The following NPIPB2 variants were observed in gnomAD, a reference collection of about 807,000 sequenced individuals.
NPIPB2 encodes the protein nuclear pore complex interacting protein family member B2, also known as nuclear pore complex-interacting protein family member B2.
A neutral mutation model predicts 30.8 loss-of-function variants in NPIPB2; 27 were observed. That is an observed-to-expected ratio of 0.88 (90% CI 0.65 to 1.21). The LOEUF (loss-of-function observed/expected upper bound fraction) is 1.21, where lower values mean the gene tolerates loss of function less well. Ranked by LOEUF, NPIPB2 falls within the 50% of genes most tolerant of loss-of-function variation. The pLI is 0.00. For synonymous variants in NPIPB2, 147 were observed against 162.0 expected, an observed-to-expected ratio of 0.91 and a Z score of 0.70; for missense variants, 440 against 446.2, an observed-to-expected ratio of 0.99 and a Z score of 0.13.
At chr16:11,951,440 G>GATGATAGA (rs2055060937) in intron 1 of NPIPB2, among the ~76,000 whole-genome samples, 1 of 126,762 alleles carries the variant, frequency 7.9e-6, no homozygotes, top group African/African-American at 3.0e-5. Flanking sequence ...CTCCAGCCTG[G>GATGATAGA]GCGACAGACA....
At chr16:11,943,631 G>A (rs1288183223), upstream of NPIPB2, among the ~76,000 whole-genome samples, 3 of 151,804 alleles carry the variant, frequency 2.0e-5, no homozygotes, top group Admixed American at 1.3e-4. Flanking sequence ...GAACCTGGGA[G>A]GCAGAGGGTG....
rs1056872304 is a variant in NPIPB2 at position 11,966,452 on chromosome 16, G to C, written c.-584+10116C>G. 5.5e-6 allele frequency: 6 copies of C among 1,100,628 alleles called. No homozygotes were observed. In the Admixed American group the frequency reaches 7.2e-5, roughly 13 times the overall value. The allele number at this position is 1,100,628 out of a possible 1,614,324, so 68.2% of individuals were successfully genotyped here. A position where few individuals can be genotyped will look rare whatever the true frequency, so the allele number is the denominator to read the frequency against. ...TATTTCACTTCGTTACAGCCCTTTC[G>C]AATGTGTTAGAACATTGTTACATTA... is the stretch of plus-strand genomic sequence containing the variant. On this transcript the variant is annotated intron_variant, in intron 1 of 5. Transcript: ENST00000538896.
At chr16:11,945,317 G>A (rs181653136), upstream of NPIPB2, among the ~76,000 whole-genome samples, 74 of 152,168 alleles carry the variant, frequency 4.9e-4, no homozygotes, top group African/African-American at 1.5e-3. Flanking sequence ...GGAGTTCGAG[G>A]CTGCAGTGAG....
chr16:11,937,657 A>G, exon 2 of NPIPB2: 1 of 1,599,074 alleles, frequency 6.3e-7, no homozygotes, highest in Middle Eastern at 1.7e-4. Context: ...GGTCAGCCAG[A>G]GTATTGATAA....
chr16:11,934,022 G>T (rs1368637213), intron 2 of NPIPB2, 98 bp from the exon 3 acceptor site: 4 of 868,242 alleles, frequency 4.6e-6, no homozygotes, highest in Non-Finnish European at 7.4e-6. Context: ...CACGGGGTCA[G>T]GAGTTCAAGA....
chr16:11,976,596 C>A (rs906485703), exon 1 of NPIPB2: 1 of 364,308 alleles, frequency 2.7e-6, no homozygotes. Context: ...GTAGCCTCAG[C>A]ACCGCTCTCC....
chr16:11,938,908 C>T (rs1282361735), intron 1 of NPIPB2, among the ~76,000 whole-genome samples: 3 of 151,640 alleles, frequency 2.0e-5, no homozygotes, highest in East Asian at 2.0e-4. Flanking sequence ...CCACCACGCT[C>T]GGCTAATTTT....
intron 1 of NPIPB2, among the ~76,000 whole-genome samples, chr16:11,955,759 C>T (rs1356280330): frequency 8.8e-6 from 1 of 113,770 alleles, no homozygotes; most frequent in Non-Finnish European, 1.9e-5. Context: ...ATTTGCCACT[C>T]CTCCTCCCAC....
exon 8 of NPIPB2, chr16:11,927,764 T>C: frequency 6.3e-7 from 1 of 1,594,946 alleles, no homozygotes; most frequent in Non-Finnish European, 8.5e-7. Context: ...TATAGAATGT[T>C]GTTGAGTTGG....
At chr16:11,951,472 AAAAAAG>A (rs1277728034) in intron 1 of NPIPB2, among the ~76,000 whole-genome samples, 1 of 149,670 alleles carries the variant, frequency 6.7e-6, no homozygotes, top group Non-Finnish European at 1.5e-5. Context: ...AAAAAAAAAA[AAAAAAG>A]AAAGAAAAGA....
At chr16:11,970,054 A>G (rs962551923) in intron 1 of NPIPB2, among the ~76,000 whole-genome samples, 3 of 151,624 alleles carry the variant, frequency 2.0e-5, no homozygotes, top group Non-Finnish European at 4.4e-5. Flanking sequence ...AGCACACAAA[A>G]ACTCCTGGGT....
intron 1 of NPIPB2, among the ~76,000 whole-genome samples, chr16:11,938,451 C>G (rs562184822): frequency 6.6e-6 from 1 of 151,924 alleles, no homozygotes; most frequent in Admixed American, 6.6e-5. Context: ...CTGCCTCAGC[C>G]TCCTGAGTAG....
At chr16:11,963,514 C>G (rs528001644) in intron 1 of NPIPB2, among the ~76,000 whole-genome samples, 1 of 152,022 alleles carries the variant, frequency 6.6e-6, no homozygotes, top group East Asian at 1.9e-4. Context: ...AAAAATACAA[C>G]AAAAGGAAAA....
Position 11,950,221 on chromosome 16 carries a change from T to C in NPIPB2, c.-583-8107A>G, listed in dbSNP as rs1179773058. Among the ~76,000 whole-genome samples, 2 of 152,070 alleles carry C rather than the reference T, an allele frequency of 1.3e-5. 1 individual carries two copies. The highest frequency in any genetic ancestry group is 3.9e-4 in the East Asian group (2 of 5,172). ...CTAATTTTTATATTTTTAGTAGTAGTGATGGGGTTTCGTCCTGTTGGCTGG... is the reference window on the plus strand; with the variant it reads ...CTAATTTTTATATTTTTAGTAGTAGCGATGGGGTTTCGTCCTGTTGGCTGG... On this transcript the variant is annotated intron_variant, in intron 1 of 5. Transcript: ENST00000538896.
At chr16:11,957,080 T>G (rs995177279) in intron 1 of NPIPB2, among the ~76,000 whole-genome samples, 1 of 151,952 alleles carries the variant, frequency 6.6e-6, no homozygotes, top group Non-Finnish European at 1.5e-5. Flanking sequence ...TAGTCTCCAC[T>G]GCTTGGGGTT....
intron 5 of NPIPB2, among the ~76,000 whole-genome samples, chr16:11,929,933 A>G (rs1384277768): frequency 2.2e-5 from 3 of 135,266 alleles, no homozygotes; most frequent in African/African-American, 2.8e-5. Flanking sequence ...TGCTGTATTG[A>G]TTCCTCCTCT....
At chr16:11,971,732 T>C (rs1053536322) in intron 1 of NPIPB2, among the ~76,000 whole-genome samples, 3 of 151,970 alleles carry the variant, frequency 2.0e-5, no homozygotes, top group Non-Finnish European at 4.4e-5. Context: ...TCACCTCAAG[T>C]GATCTGCTCT....
intron 1 of NPIPB2, among the ~76,000 whole-genome samples, chr16:11,957,901 C>G (rs183791869): frequency 6.6e-6 from 1 of 152,186 alleles, no homozygotes; most frequent in Non-Finnish European, 1.5e-5. Flanking sequence ...ATCTCTGTCT[C>G]TAGCTCTGTA....
chr16:11,960,670 C>G (rs955801588), intron 1 of NPIPB2, among the ~76,000 whole-genome samples: 1 of 150,914 alleles, frequency 6.6e-6, no homozygotes, highest in African/African-American at 2.4e-5. Flanking sequence ...AGGCATGGCT[C>G]CTATTGGCTG....
Sources: allele counts gnomAD v4.1 joint callset (sites outside exome capture counted in the v4.1 genomes callset), GRCh38; gene constraint gnomAD v4.1.1; transcripts MANE v1.5; gene names NCBI Gene and HGNC (gene_info 2026-07-23, HGNC 2026-07-21).